KMT2C: variants seen among roughly 807,000 people sequenced by gnomAD.
KMT2C encodes the protein lysine methyltransferase 2C.
In KMT2C, 88 loss-of-function variants were observed where a neutral mutation model predicts 507.9. The observed-to-expected ratio is 0.17, with a 90% CI of 0.15 to 0.21. The LOEUF is 0.21. Ranked by LOEUF, KMT2C falls within the 10% of genes least tolerant of loss-of-function variation. KMT2C has a pLI of 1.00. For missense variants in KMT2C, 4,954 were observed against 5,957.8 expected, an observed-to-expected ratio of 0.83 and a Z score of 5.55; for synonymous variants, 2,049 against 2,080.8, an observed-to-expected ratio of 0.98 and a Z score of 0.42.
intron 1 of KMT2C, among the ~76,000 whole-genome samples, chr7:152,394,755 C>T (rs376460193): frequency 6.6e-6 from 1 of 152,150 alleles, no homozygotes; most frequent in African/African-American, 2.4e-5. Context: ...CTGTATTTCC[C>T]GTGCTTATGG....
intron 1 of KMT2C, among the ~76,000 whole-genome samples, chr7:152,402,107 T>C (rs536844913): frequency 1.3e-3 from 160 of 127,566 alleles, no homozygotes; most frequent in Non-Finnish European, 9.4e-4. Flanking sequence ...TGAAACTCCG[T>C]CTCAAAAAAA....
intron 1 of KMT2C, among the ~76,000 whole-genome samples, chr7:152,376,692 A>G (rs1199056426): frequency 1.3e-5 from 2 of 152,264 alleles, no homozygotes; most frequent in Non-Finnish European, 2.9e-5. Context: ...TCATGAGGAA[A>G]AATGCTCTCG....
chr7:152,185,242 C>T (rs1336366051), intron 34 of KMT2C, among the ~76,000 whole-genome samples: 1 of 152,098 alleles, frequency 6.6e-6, no homozygotes, highest in Non-Finnish European at 1.5e-5. Flanking sequence ...ATATAGAACT[C>T]ATGGATACAG....
intron 1 of KMT2C, among the ~76,000 whole-genome samples, chr7:152,361,198 AG>A (rs976753402): frequency 2.0e-5 from 3 of 152,218 alleles, no homozygotes; most frequent in African/African-American, 7.2e-5. Context: ...TGAATTAGGG[AG>A]AAAACACTCT....
intron 1 of KMT2C, among the ~76,000 whole-genome samples, chr7:152,392,069 C>T (rs1474753521): frequency 6.6e-6 from 1 of 152,190 alleles, no homozygotes; most frequent in Non-Finnish European, 1.5e-5. Flanking sequence ...TGCCTGAAAC[C>T]ACGGATGCTA....
intron 1 of KMT2C, chr7:152,368,159 G>A: frequency 1.1e-6 from 1 of 918,750 alleles, no homozygotes; most frequent in Non-Finnish European, 1.8e-6. Context: ...TATCCTTGGG[G>A]TGCTGCTGAA....
At chr7:152,192,148 T>C (rs935900087) in intron 31 of KMT2C, among the ~76,000 whole-genome samples, 4 of 152,168 alleles carry the variant, frequency 2.6e-5, no homozygotes, top group African/African-American at 7.2e-5. Flanking sequence ...AAGAAATACA[T>C]CTTTGATTTT....
chr7:152,401,427 A>C (rs1220744426), intron 1 of KMT2C, among the ~76,000 whole-genome samples: 2 of 151,150 alleles, frequency 1.3e-5, no homozygotes, highest in African/African-American at 4.9e-5. Flanking sequence ...GCAGTGGCTC[A>C]CACCTGTAAT....
intron 5 of KMT2C, 109 bp downstream of exon 5, chr7:152,311,689 A>T: frequency 1.3e-6 from 1 of 780,730 alleles, no homozygotes. Flanking sequence ...TAGTATGATT[A>T]TAATTATTTC....
At chr7:152,327,625 C>CT (rs1278924307) in intron 3 of KMT2C, among the ~76,000 whole-genome samples, 3 of 152,086 alleles carry the variant, frequency 2.0e-5, no homozygotes, top group Non-Finnish European at 4.4e-5. Flanking sequence ...TTAAGCAGAA[C>CT]TTTAAATGCT....
chr7:152,196,099 G>T, intron 27 of KMT2C, 88 bp from the exon 28 acceptor site: 1 of 592,852 alleles, frequency 1.7e-6, no homozygotes, highest in South Asian at 3.5e-5. Flanking sequence ...AGCAGATACT[G>T]AGTGAGGCAA....
intron 1 of KMT2C, among the ~76,000 whole-genome samples, chr7:152,397,685 C>G (rs2097545426): frequency 6.6e-6 from 1 of 152,074 alleles, no homozygotes; most frequent in South Asian, 2.1e-4. Context: ...GTGGAATGGA[C>G]ACAGTGGGAA....
At chr7:152,162,075 A>C in intron 43 of KMT2C, 42 bp downstream of exon 43, 1 of 1,497,406 alleles carries the variant, frequency 6.7e-7, no homozygotes, top group East Asian at 2.3e-5. Flanking sequence ...GTATAATTTA[A>C]AACAAAAGAA....
intron 3 of KMT2C, among the ~76,000 whole-genome samples, chr7:152,318,466 A>G (rs1373060602): frequency 6.7e-6 from 1 of 149,338 alleles, no homozygotes; most frequent in Non-Finnish European, 1.5e-5. Context: ...TCTACTAAAA[A>G]TACAAAAAAA....
chr7:152,281,248 C>A (rs561293945), intron 6 of KMT2C, among the ~76,000 whole-genome samples: 29 of 151,092 alleles, frequency 1.9e-4, no homozygotes, highest in Admixed American at 5.9e-4. Flanking sequence ...TATCTAGTAT[C>A]CTGGATATAT....
chr7:152,386,209 G>GAAA (rs971685442), intron 1 of KMT2C, among the ~76,000 whole-genome samples: 12 of 134,884 alleles, frequency 8.9e-5, no homozygotes, highest in African/African-American at 2.5e-4. Context: ...TGTTAAAAAA[G>GAAA]AAAAAAAAAA....
chr7:152,329,089 GC>G (rs1357184540), intron 3 of KMT2C, among the ~76,000 whole-genome samples: 1 of 152,066 alleles, frequency 6.6e-6, no homozygotes, highest in Non-Finnish European at 1.5e-5. Context: ...AGAGGTTACA[GC>G]CATTAGAATG....
Position 152,296,997 on chromosome 7 carries a change from AAAAGAAAGAAAGAAAGAAAGAAAG to A in KMT2C, c.849+12945_849+12968del, listed in dbSNP as rs61473498. Among the ~76,000 whole-genome samples, 6 of 59,008 alleles carry A rather than the reference AAAAGAAAGAAAGAAAGAAAGAAAG, an allele frequency of 1.0e-4. 1 individual carries two copies. Among genetic ancestry groups the A allele is most frequent in the African/African-American group, 3.3e-4 (6 of 18,330 alleles). The allele number at this position is 59,008 out of a possible 152,430, so 38.7% of individuals were successfully genotyped here. A position where few individuals can be genotyped will look rare whatever the true frequency, so the allele number is the denominator to read the frequency against. On this transcript the variant is annotated intron_variant, in intron 6 of 58. Transcript: ENST00000262189. ...ACCACTAAAAAGAAAGAAAGAAAGA[AAAAGAAAGAAAGAAAGAAAGAAAG>A]AAAGAAAGAAAGAAAGAAAGAAAGA...
chr7:152,185,254 C>T (rs576028017), intron 34 of KMT2C, among the ~76,000 whole-genome samples: 11 of 152,254 alleles, frequency 7.2e-5, no homozygotes, highest in East Asian at 5.8e-4. Flanking sequence ...TGGATACAGA[C>T]GGCCAACTGT....
Sources: gnomAD v4.1 joint callset for allele counts (sites outside exome capture counted in the v4.1 genomes callset) on GRCh38, gnomAD v4.1.1 for gene constraint, MANE v1.5 for transcripts, NCBI Gene and HGNC (gene_info 2026-07-23, HGNC 2026-07-21) for gene names.